The following ZNF624 variants were observed in gnomAD, a reference collection of about 807,000 sequenced individuals.
The protein encoded by ZNF624 is zinc finger protein 624.
Under a neutral mutation model 74.7 loss-of-function variants are expected in ZNF624, and 43 were observed. The ratio of observed to expected loss-of-function variants is 0.58; its 90% CI spans 0.45 to 0.74. The LOEUF (loss-of-function observed/expected upper bound fraction) is 0.74, where lower values mean the gene tolerates loss of function less well. Among genes scored for constraint, ZNF624 ranks in the 30% least tolerant of loss-of-function variants. The probability of loss-of-function intolerance (pLI) is 0.00; values close to 1 mark genes in which losing one functional copy is unlikely to be tolerated. For missense variants in ZNF624, 820 were observed against 1,030.0 expected, an observed-to-expected ratio of 0.80 and a Z score of 2.79; for synonymous variants, 331 against 341.3, an observed-to-expected ratio of 0.97 and a Z score of 0.33.
the ZNF624 span, among the ~76,000 whole-genome samples, chr17:16,615,715 T>C: frequency 6.6e-6 from 1 of 152,000 alleles, no homozygotes; most frequent in African/African-American, 2.4e-5. Flanking sequence ...AATGTTTTGT[T>C]TTCCTTTAGA....
intron 1 of ZNF624, among the ~76,000 whole-genome samples, chr17:16,652,379 G>C (rs1909746769): frequency 1.3e-5 from 2 of 152,042 alleles, no homozygotes; most frequent in Admixed American, 6.6e-5. Context: ...AGCAACATAA[G>C]GCATTTTCAA....
chr17:16,635,561 G>T (rs1909308928), intron 3 of ZNF624, among the ~76,000 whole-genome samples: 1 of 152,044 alleles, frequency 6.6e-6, no homozygotes, highest in African/African-American at 2.4e-5. Flanking sequence ...GAACTATTTT[G>T]AGTGACTTTG....
At chr17:16,631,242 T>G (rs533209493) in intron 5 of ZNF624, 1 of 152,262 alleles carries the variant, frequency 6.6e-6, no homozygotes. Context: ...TAAAAAAGTG[T>G]GATATAGTTC....
chr17:16,639,060 C>T (rs529555892), intron 3 of ZNF624, among the ~76,000 whole-genome samples: 2 of 152,024 alleles, frequency 1.3e-5, no homozygotes, highest in Non-Finnish European at 2.9e-5. Context: ...TGCCCAAAGT[C>T]AAAGAAGCAG....
chr17:16,617,971 C>A (rs1234036966), downstream of ZNF624: 9 of 753,004 alleles, frequency 1.2e-5, no homozygotes, highest in Admixed American at 6.6e-5. Context: ...CGGCAAGAGC[C>A]CGAACACGCG....
chr17:16,619,189 AAT>A (rs1908851642), downstream of ZNF624, among the ~76,000 whole-genome samples: 1 of 152,222 alleles, frequency 6.6e-6, no homozygotes, highest in Non-Finnish European at 1.5e-5. Flanking sequence ...TTGTATGAAA[AAT>A]ATTTTGACCT....
At chr17:16,618,506 ATCAT>A (rs1025778764), downstream of ZNF624, among the ~76,000 whole-genome samples, 1 of 152,200 alleles carries the variant, frequency 6.6e-6, no homozygotes, top group African/African-American at 2.4e-5. Flanking sequence ...GAAAAAAAAA[ATCAT>A]TCAACAATGT....
chr17:16,616,974 C>T (rs1015536329), downstream of ZNF624: 1 of 1,598,110 alleles, frequency 6.3e-7, no homozygotes, highest in Non-Finnish European at 8.6e-7. Flanking sequence ...CAGGTAGCGG[C>T]GAATTGGAAC....
rs1442063257 is a variant in ZNF624 at position 16,634,755 on chromosome 17, T to C, written c.155A>G (p.Glu52Gly). The change falls in exon 4 of 6, where the codon GAA becomes GGA. Residue 52 changes from glutamate (E) to glycine (G), a missense_variant and splice_region_variant. By Grantham distance (98) the Glu-to-Gly change is moderately conservative. Coordinates refer to ENST00000311331, the MANE Select transcript of ZNF624 (RefSeq NM_020787.4). ...LQAEETQLVK[E>G]SVTFKDVAID... ...AGCCACATCCTTAAATGTCACCGAT[T>C]CCTAAAACAATTACATTGTGATCAC... 1 of 1,610,428 alleles carries C rather than the reference T, an allele frequency of 6.2e-7. No individual in the cohort carries two copies. Among genetic ancestry groups the C allele is most frequent in the Non-Finnish European group, 8.5e-7 (1 of 1,178,516 alleles).
At chr17:16,648,029 AG>A (rs1909634868) in intron 2 of ZNF624, among the ~76,000 whole-genome samples, 1 of 151,784 alleles carries the variant, frequency 6.6e-6, no homozygotes, top group Non-Finnish European at 1.5e-5. Context: ...TCTGCCTCCC[AG>A]GTTCAAGTGA....
At chr17:16,625,894 T>G (rs1275930612) in intron 5 of ZNF624, among the ~76,000 whole-genome samples, 2 of 152,166 alleles carry the variant, frequency 1.3e-5, no homozygotes, top group East Asian at 1.9e-4. Flanking sequence ...TGCCTCAATA[T>G]TTAAATATAA....
In ZNF624 at chr17:16,649,668, A is replaced by T. The variant is rs150984271; in HGVS notation, c.77T>A (p.Val26Asp). 1.9e-6 allele frequency: 3 copies of T among 1,614,002 alleles called. No homozygotes were observed. The highest frequency in any genetic ancestry group is 1.3e-5 in the African/African-American group (1 of 74,934). Residue 26 changes from valine to aspartate, a missense_variant, in exon 2 of 6, where the codon GTT becomes GAT. Val to Asp is a radical substitution (Grantham distance 152). Coordinates refer to ENST00000311331, the MANE Select transcript of ZNF624 (RefSeq NM_020787.4). ...GEIMAAVFFS[V>D]GRLSPEVTQP... ...GGAATCCCAACTTACCAGGCGTCCAACTGAGAAAAACACAGCAGCCATAAT... is the reference window on the plus strand; with the variant it reads ...GGAATCCCAACTTACCAGGCGTCCATCTGAGAAAAACACAGCAGCCATAAT...
rs534550829 is a variant in ZNF624 at position 16,625,137 on chromosome 17, A to G, written c.377-628T>C. Among the ~76,000 whole-genome samples the G allele has an allele frequency of 1.6e-4, 25 of 151,570 alleles. No individual in the cohort carries two copies. In the South Asian group the frequency reaches 1.9e-3, roughly 11 times the overall value. ...AAACTGTCATACTTCCTTGCTTTCT[A>G]TTTACTCCACAAACCAGACTTTAGT... On this transcript the variant is annotated intron_variant, in intron 5 of 5. Transcript: ENST00000311331.
Position 16,622,222 on chromosome 17 carries a change from T to C in ZNF624, c.*66A>G. 1 of 1,264,614 alleles carries C rather than the reference T, an allele frequency of 7.9e-7. No individual in the cohort carries two copies. The highest frequency in any genetic ancestry group is 1.1e-6 in the Non-Finnish European group (1 of 938,048). 78.3% of individuals were successfully genotyped at this position (1,264,614 alleles called of 1,614,324 possible). ...ATTCCTAATGAAGATTTTCCTATAT[T>C]CATAAAATATAGTTTATAAGATTCA... On this transcript the variant is annotated 3_prime_UTR_variant, in exon 6 of 6. Coordinates refer to ENST00000311331, the MANE Select transcript of ZNF624 (RefSeq NM_020787.4).
downstream of ZNF624, chr17:16,617,693 C>G (rs1001099264): frequency 1.2e-6 from 2 of 1,605,322 alleles, no homozygotes; most frequent in African/African-American, 2.7e-5. Context: ...CGATCACGCG[C>G]TCGCCGCAGA....
downstream of ZNF624, chr17:16,617,364 G>A: frequency 6.2e-7 from 1 of 1,613,538 alleles, no homozygotes; most frequent in Admixed American, 1.7e-5. Context: ...TAATATTTCT[G>A]CCATTTATTT....
chr17:16,649,783 C>T (rs1170923912), intron 1 of ZNF624, 37 bp from the exon 2 acceptor site: 1 of 1,561,102 alleles, frequency 6.4e-7, no homozygotes. Context: ...ACCAATCCTG[C>T]CTGGGGAATT....
chr17:16,649,481 G>A (rs1428807695), intron 2 of ZNF624, among the ~76,000 whole-genome samples, 177 bp downstream of exon 2: 2 of 152,202 alleles, frequency 1.3e-5, no homozygotes, highest in South Asian at 2.1e-4. Flanking sequence ...GGTTAAGTAA[G>A]TATAGTGAAT....
At chr17:16,630,776 A>G (rs1244514049) in intron 5 of ZNF624, among the ~76,000 whole-genome samples, 2 of 152,196 alleles carry the variant, frequency 1.3e-5, no homozygotes, top group African/African-American at 4.8e-5. Context: ...AATTTACCAT[A>G]CAGATAACAA....
Sources: gnomAD v4.1 joint callset for allele counts (sites outside exome capture counted in the v4.1 genomes callset) on GRCh38, gnomAD v4.1.1 for gene constraint, MANE v1.5 for transcripts, NCBI Gene and HGNC (gene_info 2026-07-23, HGNC 2026-07-21) for gene names.